Variants in PCDHGA5 observed in about 807,000 individuals in gnomAD.
PCDHGA5 encodes protocadherin gamma-A5.
Under a neutral mutation model 56.7 loss-of-function variants are expected in PCDHGA5, and 36 were observed. The observed-to-expected ratio is 0.64, with a 90% CI of 0.49 to 0.84. PCDHGA5 has a LOEUF of 0.84. Ranked by LOEUF, PCDHGA5 falls within the 40% of genes least tolerant of loss-of-function variation. The pLI is 0.00. For missense variants in PCDHGA5, 1,305 were observed against 1,201.5 expected, an observed-to-expected ratio of 1.09 and a Z score of -1.27; for synonymous variants, 563 against 520.2, an observed-to-expected ratio of 1.08 and a Z score of -1.12.
At chr5:141,474,215 A>G (rs1393533136) in intron 1 of PCDHGA5, among the ~76,000 whole-genome samples, 1 of 152,216 alleles carries the variant, frequency 6.6e-6, no homozygotes, top group East Asian at 1.9e-4. Context: ...CAAAAACCAG[A>G]TTGTGAATTA....
At chr5:141,388,887 G>C in intron 1 of PCDHGA5, 1 of 1,613,988 alleles carries the variant, frequency 6.2e-7, no homozygotes, top group Non-Finnish European at 8.5e-7. Context: ...GGAGGTAGAA[G>C]TCATAGATGA....
chr5:141,390,189 G>A (rs1295174277), intron 1 of PCDHGA5: 3 of 1,613,922 alleles, frequency 1.9e-6, no homozygotes, highest in East Asian at 2.2e-5. Flanking sequence ...AAAATGTAGT[G>A]AGCAGTTGAG....
rs1380295495 is a variant in PCDHGA5, at chr5:141,366,629, C to T, written c.2299C>T (p.His767Tyr). The stretch of plus-strand genomic sequence containing the variant: ...CCTCACCGCGGACTCGAGGAAGAGT[C>T]ACCTGATCTTTCCCCAGCCCAACTA... Reference protein sequence around the residue: ...VSLTADSRKSHLIFPQPNYAD... With the variant: ...VSLTADSRKSYLIFPQPNYAD... Residue 767 changes from histidine to tyrosine, a missense_variant, in exon 1 of 4, where the codon CAC becomes TAC. By Grantham distance (83) the His-to-Tyr change is moderately conservative (BLOSUM62 2). Coordinates refer to ENST00000518069, the MANE Select transcript of PCDHGA5 (RefSeq NM_018918.3). The T allele has an allele frequency of 6.2e-7, 1 of 1,614,252 alleles. No homozygotes were observed. The highest frequency in any genetic ancestry group is 1.1e-5 in the South Asian group (1 of 91,090).
chr5:141,503,713 C>T (rs867005984), intron 2 of PCDHGA5, among the ~76,000 whole-genome samples: 6 of 152,134 alleles, frequency 3.9e-5, no homozygotes, highest in Non-Finnish European at 8.8e-5. Context: ...TCCCCTTCAA[C>T]CCTAGCTTTA....
chr5:141,438,591 C>CATAT (rs946798767), intron 1 of PCDHGA5, among the ~76,000 whole-genome samples: 211 of 75,392 alleles, frequency 2.8e-3, no homozygotes, highest in Non-Finnish European at 4.1e-3. Context: ...TACATACATA[C>CATAT]ATATATATAT....
chr5:141,504,434 A>C (rs2099838201), intron 2 of PCDHGA5, among the ~76,000 whole-genome samples: 1 of 152,234 alleles, frequency 6.6e-6, no homozygotes, highest in South Asian at 2.1e-4. Flanking sequence ...CAACAGCTGC[A>C]GTGTGACTAG....
chr5:141,441,891 G>A, intron 1 of PCDHGA5: 1 of 348,040 alleles, frequency 2.9e-6, no homozygotes, highest in East Asian at 9.1e-5. Flanking sequence ...TCACCAAGGT[G>A]GTGGCTGTAG....
intron 1 of PCDHGA5, among the ~76,000 whole-genome samples, chr5:141,475,511 A>T (rs1240718716): frequency 6.6e-6 from 1 of 152,240 alleles, no homozygotes; most frequent in African/African-American, 2.4e-5. Context: ...TAATGTCTCC[A>T]CGGAAATGCT....
intron 1 of PCDHGA5, chr5:141,399,431 T>A (rs757950073): frequency 3.1e-6 from 5 of 1,613,970 alleles, no homozygotes; most frequent in Admixed American, 3.3e-5. Context: ...ATAAGCGTCA[T>A]CCTACATATC....
At chr5:141,371,014 A>T in intron 1 of PCDHGA5, 1 of 1,614,008 alleles carries the variant, frequency 6.2e-7, no homozygotes, top group Non-Finnish European at 8.5e-7. Context: ...GAGCAGCCAC[A>T]TCACCACCTG....
intron 2 of PCDHGA5, among the ~76,000 whole-genome samples, chr5:141,503,595 G>T (rs6892628): frequency 0.52 from 72,995 of 139,870 alleles, 19,322 homozygotes; most frequent in African/African-American, 0.64. Flanking sequence ...CGAGACTCCA[G>T]CTCAAAAAAA....
chr5:141,436,140 A>G (rs1324666699), intron 1 of PCDHGA5, among the ~76,000 whole-genome samples: 2 of 152,224 alleles, frequency 1.3e-5, no homozygotes, highest in Non-Finnish European at 2.9e-5. Flanking sequence ...TCTTGTATGA[A>G]CTACCAAAAT....
At chr5:141,385,186 T>C in intron 1 of PCDHGA5, 1 of 1,614,218 alleles carries the variant, frequency 6.2e-7, no homozygotes. Context: ...CACCGCGGAC[T>C]CTCGGAAGAG....
intron 1 of PCDHGA5, among the ~76,000 whole-genome samples, chr5:141,469,803 A>G (rs1326367314): frequency 6.6e-6 from 1 of 152,174 alleles, no homozygotes; most frequent in Non-Finnish European, 1.5e-5. Context: ...TTGCAAAAAC[A>G]TTGTAGATAG....
At position 141,366,488 on chromosome 5, in the gene PCDHGA5, C is replaced by T; in HGVS notation, c.2158C>T (p.His720Tyr). The T allele has an allele frequency of 3.1e-6, 5 of 1,614,264 alleles. No homozygotes were observed. The highest frequency in any genetic ancestry group is 4.2e-6 in the Non-Finnish European group (5 of 1,180,058). ...GCTGGTGCTCAGACTGAGGCGCTGGCACAAGTCACGCCTGCTTCAGGCTGA... is the reference window on the plus strand; with the variant it reads ...GCTGGTGCTCAGACTGAGGCGCTGGTACAAGTCACGCCTGCTTCAGGCTGA... ...VLLVLRLRRW[H>Y]KSRLLQAEGS... Residue 720 changes from histidine to tyrosine, a missense_variant, in exon 1 of 4, where the codon CAC becomes TAC. Physicochemically the swap from His to Tyr is moderately conservative, Grantham distance 83. Coordinates refer to ENST00000518069, the MANE Select transcript of PCDHGA5 (RefSeq NM_018918.3).
intron 1 of PCDHGA5, among the ~76,000 whole-genome samples, chr5:141,470,845 G>T (rs1381257094): frequency 1.3e-5 from 2 of 151,972 alleles, no homozygotes; most frequent in African/African-American, 4.8e-5. Flanking sequence ...ACGCCACCAT[G>T]CTCAGATAAG....
At position 141,404,170 on chromosome 5, in the gene PCDHGA5, G is replaced by A. The variant is rs73279089; in HGVS notation, c.2421+37419G>A. 22 of 1,612,630 alleles carry A rather than the reference G, an allele frequency of 1.4e-5. No individual in the cohort carries two copies. In the East Asian group the frequency reaches 1.8e-4, roughly 13 times the overall value. On this transcript the variant is annotated intron_variant, in intron 1 of 3. Coordinates refer to ENST00000518069, the MANE Select transcript of PCDHGA5 (RefSeq NM_018918.3). ...AAGAAGATTATTACAGATTGTTGACGGCCCAAATTCTTGACCGAGAAAAAG... is the reference window on the plus strand; with the variant it reads ...AAGAAGATTATTACAGATTGTTGACAGCCCAAATTCTTGACCGAGAAAAAG...
chr5:141,404,880 T>C, intron 1 of PCDHGA5: 2 of 1,613,896 alleles, frequency 1.2e-6, no homozygotes, highest in Non-Finnish European at 8.5e-7. Flanking sequence ...CAGAGCCTTG[T>C]GGTGGCTGTA....
chr5:141,384,784 G>T, intron 1 of PCDHGA5: 1 of 1,613,618 alleles, frequency 6.2e-7, no homozygotes, highest in Non-Finnish European at 8.5e-7. Flanking sequence ...GGTGCGCACG[G>T]CTCGGGCCCT....
Sources: allele counts gnomAD v4.1 joint callset (sites outside exome capture counted in the v4.1 genomes callset), GRCh38; gene constraint gnomAD v4.1.1; transcripts MANE v1.5; gene names NCBI Gene and HGNC (gene_info 2026-07-23, HGNC 2026-07-21).